Variants in PDSS2 observed in about 807,000 individuals in gnomAD.
PDSS2 encodes decaprenyl diphosphate synthase subunit 2.
PDSS2 carries 31 observed loss-of-function variants against 44.5 expected under a neutral mutation model. The ratio of observed to expected loss-of-function variants is 0.70; its 90% CI spans 0.52 to 0.94. The LOEUF (loss-of-function observed/expected upper bound fraction) is 0.94. PDSS2 is among the 40% of genes least tolerant of loss of function. The pLI, the probability that PDSS2 is intolerant of heterozygous loss-of-function variation, is 0.00. For synonymous variants in PDSS2, 157 were observed against 180.3 expected (o/e 0.87, Z 1.03); for missense variants, 452 against 482.2 (o/e 0.94, Z 0.59).
intron 4 of PDSS2, among the ~76,000 whole-genome samples, chr6:107,213,112 C>T (rs1413289554): frequency 4.0e-5 from 6 of 151,852 alleles, no homozygotes; most frequent in Non-Finnish European, 5.9e-5. Flanking sequence ...CGGGCTCAAG[C>T]GATCCTTCCA....
At chr6:107,433,229 A>G (rs319108) in intron 1 of PDSS2, among the ~76,000 whole-genome samples, 56,646 of 150,796 alleles carry the variant, frequency 0.38, 13,118 homozygotes, top group Middle Eastern at 0.64. Context: ...AGCAACCTAC[A>G]GATTCAATGC....
intron 2 of PDSS2, among the ~76,000 whole-genome samples, chr6:107,314,971 T>C (rs559277883): frequency 6.6e-6 from 1 of 152,350 alleles, no homozygotes; most frequent in Non-Finnish European, 1.5e-5. Context: ...ACTAAGGTTG[T>C]GACATCAACT....
At chr6:107,235,163 G>C (rs1196734433) in intron 4 of PDSS2, among the ~76,000 whole-genome samples, 7 of 152,216 alleles carry the variant, frequency 4.6e-5, no homozygotes, top group Admixed American at 1.3e-4. Flanking sequence ...TGGATGTCTA[G>C]AGAAGCCGAA....
chr6:107,452,735 C>T (rs544086775), intron 1 of PDSS2, among the ~76,000 whole-genome samples: 1 of 151,320 alleles, frequency 6.6e-6, no homozygotes, highest in Non-Finnish European at 1.5e-5. Context: ...GGCGCAATCT[C>T]GGCTCACTGC....
intron 1 of PDSS2, among the ~76,000 whole-genome samples, chr6:107,371,185 T>A (rs1779118612): frequency 6.7e-6 from 1 of 148,828 alleles, no homozygotes. Context: ...TGTCTCAAAG[T>A]AAAAAAAAAA....
intron 7 of PDSS2, among the ~76,000 whole-genome samples, chr6:107,160,323 G>T (rs1036604077): frequency 1.2e-4 from 18 of 152,158 alleles, no homozygotes; most frequent in Non-Finnish European, 2.6e-4. Context: ...TAGGACTACA[G>T]CTATTGAGAG....
intron 1 of PDSS2, among the ~76,000 whole-genome samples, chr6:107,439,358 T>C (rs529169252): frequency 7.2e-5 from 11 of 152,134 alleles, no homozygotes; most frequent in Non-Finnish European, 1.2e-4. Flanking sequence ...CCATCATGAG[T>C]TGTTATTGGA....
intron 2 of PDSS2, among the ~76,000 whole-genome samples, chr6:107,298,373 T>A (rs746997365): frequency 6.6e-6 from 1 of 152,170 alleles, no homozygotes; most frequent in African/African-American, 2.4e-5. Context: ...ACTATTTACA[T>A]AGCATCTACA....
At chr6:107,342,322 A>G (rs1264178802) in intron 1 of PDSS2, among the ~76,000 whole-genome samples, 1 of 152,092 alleles carries the variant, frequency 6.6e-6, no homozygotes, top group Non-Finnish European at 1.5e-5. Context: ...CCTGTTATCA[A>G]TTTGCCACAT....
At chr6:107,192,798 A>AG (rs1261839685) in intron 7 of PDSS2, among the ~76,000 whole-genome samples, 1 of 151,874 alleles carries the variant, frequency 6.6e-6, no homozygotes, top group Non-Finnish European at 1.5e-5. Flanking sequence ...AAAAAAAAAA[A>AG]AGAGAGACTT....
chr6:107,215,217 GA>G (rs35196997), intron 4 of PDSS2, among the ~76,000 whole-genome samples: 1 of 151,976 alleles, frequency 6.6e-6, no homozygotes, highest in Non-Finnish European at 1.5e-5. Flanking sequence ...TTCTTGATGA[GA>G]AAAAATGTCC....
At chr6:107,167,950 T>G (rs1300285993) in intron 7 of PDSS2, among the ~76,000 whole-genome samples, 2 of 152,170 alleles carry the variant, frequency 1.3e-5, no homozygotes, top group African/African-American at 4.8e-5. Context: ...GAATGTATAT[T>G]CTGTTGATCT....
At chr6:107,292,034 G>T (rs1776366505) in intron 2 of PDSS2, among the ~76,000 whole-genome samples, 1 of 151,930 alleles carries the variant, frequency 6.6e-6, no homozygotes, top group African/African-American at 2.4e-5. Context: ...TTTTAGAAAA[G>T]CTCACCCACC....
intron 7 of PDSS2, among the ~76,000 whole-genome samples, chr6:107,168,717 A>C (rs1554247993): frequency 6.6e-6 from 1 of 151,046 alleles, no homozygotes; most frequent in Non-Finnish European, 1.5e-5. Context: ...AAAGGATTTT[A>C]TTTCTCCTTC....
intron 7 of PDSS2, among the ~76,000 whole-genome samples, chr6:107,177,754 C>T (rs1422346539): frequency 1.3e-5 from 2 of 152,100 alleles, no homozygotes; most frequent in Non-Finnish European, 2.9e-5. Flanking sequence ...ACAAGCAAAA[C>T]ATGTCATAGG....
In PDSS2 at chr6:107,452,300, C is replaced by T. The variant is rs142983289; in HGVS notation, c.296+6690G>A. ...TTGCCCAGGCTGGAGTGCAGTGCCG[C>T]GATCTCACTGCAACCTCTGCCTCCC... is the stretch of plus-strand genomic sequence containing the variant. On this transcript the variant is annotated intron_variant, in intron 1 of 7. Coordinates refer to ENST00000369037, the MANE Select transcript of PDSS2 (RefSeq NM_020381.4). Among the ~76,000 whole-genome samples, 248 of 151,704 alleles carry T rather than the reference C, an allele frequency of 1.6e-3. 1 individual carries two copies. The highest frequency in any genetic ancestry group is 3.4e-3 in the Middle Eastern group (1 of 292).
At chr6:107,225,170 T>TATATATATATATATA (rs1773772945) in intron 4 of PDSS2, among the ~76,000 whole-genome samples, 1 of 55,334 alleles carries the variant, frequency 1.8e-5, no homozygotes, top group African/African-American at 1.0e-4. Flanking sequence ...TATTTTTTTT[T>TATATATATATATATA]TTTTTTTTTT....
At chr6:107,156,424 G>C (rs1770899895) in intron 7 of PDSS2, among the ~76,000 whole-genome samples, 1 of 151,838 alleles carries the variant, frequency 6.6e-6, no homozygotes, top group Non-Finnish European at 1.5e-5. Context: ...TCCATCTCCT[G>C]ACCTTGTGAT....
At chr6:107,211,036 A>G (rs2114628184) in intron 5 of PDSS2, among the ~76,000 whole-genome samples, 1 of 152,150 alleles carries the variant, frequency 6.6e-6, no homozygotes, top group African/African-American at 2.4e-5. Flanking sequence ...AATAACCTGT[A>G]AAATTCTCCA....
Sources: gnomAD v4.1 joint callset for allele counts (sites outside exome capture counted in the v4.1 genomes callset) on GRCh38, gnomAD v4.1.1 for gene constraint, MANE v1.5 for transcripts, NCBI Gene and HGNC (gene_info 2026-07-23, HGNC 2026-07-21) for gene names.